Variants in CASP8 observed in about 807,000 individuals in gnomAD.
CASP8 encodes caspase-8.
A neutral mutation model predicts 46.3 loss-of-function variants in CASP8; 24 were observed. The observed-to-expected ratio is 0.52, with a 90% CI of 0.38 to 0.73. The LOEUF (loss-of-function observed/expected upper bound fraction) is 0.73. Ranked by LOEUF, CASP8 falls within the 30% of genes least tolerant of loss-of-function variation. The pLI is 0.00. For synonymous variants in CASP8, 188 were observed against 200.4 expected (o/e 0.94, Z 0.52); for missense variants, 460 against 559.0 (o/e 0.82, Z 1.79).
rs544256538 is a variant in CASP8 at position 201,243,948 on chromosome 2, T to C, written c.-27+9836T>C. ...CCTGTTTGGCCTGCCAGGTAAAGCC[T>C]TTGTAATTGCTAATGGCTGGGCCTG... On this transcript the variant is annotated intron_variant, in intron 2 of 6. Transcript: ENST00000264274. Among the ~76,000 whole-genome samples the C allele has an allele frequency of 2.9e-3, 445 of 152,322 alleles. 3 individuals are homozygous for C. Among genetic ancestry groups the C allele is most frequent in the African/African-American group, 0.01 (417 of 41,570 alleles).
At chr2:201,267,159 A>T (rs1013870347) in intron 2 of CASP8, among the ~76,000 whole-genome samples, 3 of 152,186 alleles carry the variant, frequency 2.0e-5, no homozygotes, top group Non-Finnish European at 4.4e-5. Flanking sequence ...AAAGTGAAAC[A>T]TTACTTAGAG....
chr2:201,254,410 T>A (rs1946923952), intron 2 of CASP8, among the ~76,000 whole-genome samples: 1 of 152,206 alleles, frequency 6.6e-6, no homozygotes, highest in East Asian at 1.9e-4. Context: ...TAGATGTGAA[T>A]GGAATCTGTT....
chr2:201,282,833 T>C (rs1248794903), intron 7 of CASP8, among the ~76,000 whole-genome samples: 3 of 55,594 alleles, frequency 5.4e-5, no homozygotes, highest in Admixed American at 1.8e-4. Flanking sequence ...CCCCCCCACC[T>C]CCCTCCCGGA....
chr2:201,261,892 A>G (rs1861270), intron 1 of CASP8: 111,291 of 152,020 alleles, frequency 0.73, 41,088 homozygotes, highest in South Asian at 0.83. Context: ...GAATGTATTT[A>G]CAGTTTAATT....
At chr2:201,269,346 A>G (rs1172074942) in intron 2 of CASP8, among the ~76,000 whole-genome samples, 1 of 152,144 alleles carries the variant, frequency 6.6e-6, no homozygotes, top group African/African-American at 2.4e-5. Context: ...AGGGGAGAAC[A>G]CTATTCAACC....
intron 2 of CASP8, among the ~76,000 whole-genome samples, chr2:201,268,476 A>G (rs553576192): frequency 2.0e-5 from 3 of 152,124 alleles, no homozygotes; most frequent in African/African-American, 7.2e-5. Context: ...GCTTGAACCC[A>G]GGAGGTGGAG....
intron 7 of CASP8, among the ~76,000 whole-genome samples, chr2:201,282,837 T>C (rs1464887897): frequency 1.4e-5 from 1 of 73,706 alleles, no homozygotes; most frequent in Non-Finnish European, 3.2e-5. Flanking sequence ...CCCACCTCCC[T>C]CCCGGACGGG....
At chr2:201,253,546 A>G (rs1410344003) in intron 2 of CASP8, among the ~76,000 whole-genome samples, 5 of 152,014 alleles carry the variant, frequency 3.3e-5, no homozygotes, top group African/African-American at 4.8e-5. Context: ...CTGTTATTAT[A>G]TCATTAAAAG....
At chr2:201,267,569 G>A (rs1947910974) in intron 2 of CASP8, among the ~76,000 whole-genome samples, 1 of 152,128 alleles carries the variant, frequency 6.6e-6, no homozygotes, top group African/African-American at 2.4e-5. Context: ...CCCCACCCTA[G>A]GGAGAGTGGG....
intron 2 of CASP8, among the ~76,000 whole-genome samples, chr2:201,237,585 A>G (rs1946112185): frequency 6.6e-6 from 1 of 152,226 alleles, no homozygotes; most frequent in Non-Finnish European, 1.5e-5. Context: ...TCGAAACCTT[A>G]CATAAATACT....
At chr2:201,249,631 G>A (rs140456210) in intron 2 of CASP8, among the ~76,000 whole-genome samples, 10 of 152,332 alleles carry the variant, frequency 6.6e-5, no homozygotes, top group East Asian at 1.9e-4. Flanking sequence ...AGGCTAAGGC[G>A]AGAGGATCGC....
Position 201,266,220 on chromosome 2 carries a change from C to T in CASP8, c.-26-241C>T, listed in dbSNP as rs566733620. ...GTCTCAAACTCCTGACCTCGTGATC[C>T]GCCTGCCTTGGCCTCCCAAAGTGTT... On this transcript the variant is annotated intron_variant, in intron 1 of 8. Transcript: ENST00000673742. The surrounding 1 kb of genome is among the most constrained non-coding windows in gnomAD (Gnocchi z 5.7). Among the ~76,000 whole-genome samples the T allele has an allele frequency of 3.9e-5, 6 of 152,306 alleles. No homozygotes were observed. The South Asian group carries it at 8.3e-4, about 21-fold the overall frequency.
In CASP8 at chr2:201,272,157, A is replaced by G. The variant is rs898810858; in HGVS notation, c.412-481A>G. On this transcript the variant is annotated intron_variant, in intron 3 of 8. Transcript: ENST00000673742. The surrounding 1 kb of genome is among the most constrained non-coding windows in gnomAD (Gnocchi z 4.4). ...CTGTGTGTTGTGTAGTGTGTATTGT[A>G]TTTATGCCCCTGTGTGTGTATCACT... 4.7e-5 allele frequency among the ~76,000 whole-genome samples: 7 copies of G among 149,640 alleles called. No individual in the cohort carries two copies. Among genetic ancestry groups the G allele is most frequent in the African/African-American group, 1.7e-4 (7 of 40,504 alleles).
In CASP8 at chr2:201,272,746, A is replaced by T; in HGVS notation, c.520A>T (p.Ile174Leu). ...CAQINKSLLK[I>L]INDYEEFSKE... is the part of the protein sequence containing the mutation. ...CCAAATCAACAAGAGCCTGCTGAAG[A>T]TAATCAACGACTATGAAGAATTCAG... The change falls in exon 4 of 9, where the codon ATA becomes TTA. Residue 174 changes from isoleucine to leucine, a missense_variant. Physicochemically the swap from Ile to Leu is conservative, Grantham distance 5. Coordinates refer to ENST00000673742, the MANE Select transcript of CASP8 (RefSeq NM_001372051.1). The surrounding 1 kb of genome is among the most constrained non-coding windows in gnomAD (Gnocchi z 4.4). 1 of 1,614,224 alleles carries T rather than the reference A, an allele frequency of 6.2e-7. No homozygotes were observed. Among genetic ancestry groups the T allele is most frequent in the Non-Finnish European group, 8.5e-7 (1 of 1,180,032 alleles).
chr2:201,235,956 T>C (rs1298284742), intron 2 of CASP8, among the ~76,000 whole-genome samples: 1 of 152,230 alleles, frequency 6.6e-6, no homozygotes, highest in Non-Finnish European at 1.5e-5. Flanking sequence ...GTCTAGACCA[T>C]ATAGCCTAGG....
intron 7 of CASP8, among the ~76,000 whole-genome samples, chr2:201,283,086 G>A (rs1426883773): frequency 2.3e-4 from 15 of 65,018 alleles, no homozygotes; most frequent in African/African-American, 6.4e-4. Flanking sequence ...GGCTGGCCGG[G>A]CGGGGGGCTG....
At chr2:201,269,399 T>C in intron 2 of CASP8, 3 of 705,976 alleles carry the variant, frequency 4.2e-6, no homozygotes, top group Non-Finnish European at 7.6e-6. Flanking sequence ...GTGAAGTCTT[T>C]ATAAGGCACT....
intron 8 of CASP8, among the ~76,000 whole-genome samples, chr2:201,285,518 C>A (rs756811343): frequency 2.0e-5 from 3 of 152,166 alleles, no homozygotes; most frequent in Non-Finnish European, 4.4e-5. Flanking sequence ...GCTGCATTTC[C>A]CAGGTCAGTT....
At chr2:201,237,143 T>C (rs1435204148) in intron 2 of CASP8, among the ~76,000 whole-genome samples, 1 of 137,996 alleles carries the variant, frequency 7.2e-6, no homozygotes, top group African/African-American at 2.8e-5. Context: ...CAGGCTGGAG[T>C]GCAGTGGCAC....
Sources: allele counts gnomAD v4.1 joint callset (sites outside exome capture counted in the v4.1 genomes callset), GRCh38; gene constraint gnomAD v4.1.1; non-coding constraint Gnocchi (gnomAD v3.1); transcripts MANE v1.5; gene names NCBI Gene and HGNC (gene_info 2026-07-23, HGNC 2026-07-21).